Variants in NARS2 observed in about 807,000 individuals in gnomAD.
NARS2 encodes asparaginyl-tRNA synthetase 2, mitochondrial, also known as asparaginyl-tRNA synthetase.
Under a neutral mutation model 62.9 loss-of-function variants are expected in NARS2, and 60 were observed. The observed-to-expected ratio is 0.95, with a 90% CI of 0.77 to 1.18. The LOEUF (loss-of-function observed/expected upper bound fraction) is 1.18, where lower values mean the gene tolerates loss of function less well. Ranked by LOEUF, NARS2 falls within the 50% of genes most tolerant of loss-of-function variation. NARS2 has a pLI of 0.00. For missense variants in NARS2, 619 were observed against 576.4 expected, an observed-to-expected ratio of 1.07 and a Z score of -0.76; for synonymous variants, 196 against 200.0, an observed-to-expected ratio of 0.98 and a Z score of 0.17.
intron 7 of NARS2, among the ~76,000 whole-genome samples, chr11:78,490,870 G>A (rs1456163688): frequency 6.6e-6 from 1 of 152,210 alleles, no homozygotes; most frequent in Non-Finnish European, 1.5e-5. Flanking sequence ...TAATTTCATG[G>A]CACTGTTGAC....
intron 13 of NARS2, 46 bp downstream of exon 13, chr11:78,441,045 T>A (rs767374252): frequency 6.3e-7 from 1 of 1,581,034 alleles, no homozygotes; most frequent in South Asian, 1.1e-5. Flanking sequence ...TAGGCAACAG[T>A]CAGACAAGCA....
At chr11:78,471,641 G>A (rs964127056) in intron 9 of NARS2, among the ~76,000 whole-genome samples, 13 of 150,348 alleles carry the variant, frequency 8.6e-5, no homozygotes, top group South Asian at 2.1e-4. Context: ...CCACTAACTC[G>A]TCATCTAGCA....
At position 78,436,577 on chromosome 11, in the gene NARS2, C is replaced by T. The variant is rs1857416305; in HGVS notation, c.*93G>A. On this transcript the variant is annotated 3_prime_UTR_variant, in exon 14 of 14. Coordinates refer to ENST00000281038, the MANE Select transcript of NARS2 (RefSeq NM_024678.6). ...CACAACAATTACATATTGAAATCTG[C>T]ATTTCTAAAATCCAAACATGCATTC... The T allele has an allele frequency of 3.0e-6, 4 of 1,322,280 alleles. No homozygotes were observed. The highest frequency in any genetic ancestry group is 2.0e-4 in the Middle Eastern group (1 of 5,112). The allele number at this position is 1,322,280 out of a possible 1,614,324, so 81.9% of individuals were successfully genotyped here. A position where few individuals can be genotyped will look rare whatever the true frequency, so the allele number is the denominator to read the frequency against.
chr11:78,469,243 C>T lies in NARS2; in HGVS notation c.1026+4G>A. ...CACATATATACATACACACAAAATA[C>T]TACCTCTGGGGTAAAGGTGAAGTTC... On this transcript the variant is annotated splice_donor_region_variant and intron_variant, in intron 10 of 13. Coordinates refer to ENST00000281038, the MANE Select transcript of NARS2 (RefSeq NM_024678.6). 6.3e-7 allele frequency: 1 copy of T among 1,597,120 alleles called. No individual in the cohort carries two copies. The highest frequency in any genetic ancestry group is 8.6e-7 in the Non-Finnish European group (1 of 1,164,594).
intron 11 of NARS2, among the ~76,000 whole-genome samples, chr11:78,446,702 T>C (rs1357655720): frequency 6.6e-6 from 1 of 152,066 alleles, no homozygotes; most frequent in Non-Finnish European, 1.5e-5. Context: ...CAAAATGGAT[T>C]AAAGATTTAA....
intron 4 of NARS2, among the ~76,000 whole-genome samples, chr11:78,565,292 C>G (rs1856706308): frequency 6.6e-6 from 1 of 152,156 alleles, no homozygotes; most frequent in Non-Finnish European, 1.5e-5. Flanking sequence ...AAATATAGAT[C>G]TATGACCAAG....
At chr11:78,443,507 A>G in intron 12 of NARS2, 154 bp downstream of exon 12, 2 of 461,226 alleles carry the variant, frequency 4.3e-6, no homozygotes, top group South Asian at 4.9e-5. Context: ...GCTCAGAGAT[A>G]AACTAACAAC....
At chr11:78,492,746 T>A (rs1234584042) in intron 7 of NARS2, among the ~76,000 whole-genome samples, 1 of 152,210 alleles carries the variant, frequency 6.6e-6, no homozygotes, top group Non-Finnish European at 1.5e-5. Flanking sequence ...ATATTATATA[T>A]ACAATTTCAT....
rs1555023813 is a variant in NARS2 at position 78,497,241 on chromosome 11, G to GCAAAAAAAAAA, written c.690-4047_690-4046insTTTTTTTTTTG. Reference sequence around the variant, plus strand: ...TCTTTGGAAAATAAAAAGCAAAATTGAAAAAAAAAAAAAAAAAAAAGGTTC... The same window carrying GCAAAAAAAAAA: ...TCTTTGGAAAATAAAAAGCAAAATTGCAAAAAAAAAAAAAAAAAAAAAAAAAAAAAAGGTTC... On this transcript the variant is annotated intron_variant, in intron 6 of 13. Coordinates refer to ENST00000281038, the MANE Select transcript of NARS2 (RefSeq NM_024678.6). Among the ~76,000 whole-genome samples, 2 of 107,316 alleles carry GCAAAAAAAAAA rather than the reference G, an allele frequency of 1.9e-5. 1 individual carries two copies. The allele number at this position is 107,316 out of a possible 152,430, so 70.4% of individuals were successfully genotyped here. A position where few individuals can be genotyped will look rare whatever the true frequency, so the allele number is the denominator to read the frequency against.
At chr11:78,551,868 C>T (rs1213178702) in intron 5 of NARS2, among the ~76,000 whole-genome samples, 1 of 151,198 alleles carries the variant, frequency 6.6e-6, no homozygotes, top group Admixed American at 6.6e-5. Context: ...AAACAAAAAA[C>T]AAACAAAAAA....
chr11:78,566,805 A>C (rs988235858), intron 3 of NARS2, among the ~76,000 whole-genome samples: 10 of 152,198 alleles, frequency 6.6e-5, no homozygotes, highest in African/African-American at 2.2e-4. Flanking sequence ...ATTTGAAAGA[A>C]AATTATGGCT....
At chr11:78,452,041 T>C (rs1040986905) in intron 11 of NARS2, among the ~76,000 whole-genome samples, 2 of 152,214 alleles carry the variant, frequency 1.3e-5, no homozygotes, top group African/African-American at 2.4e-5. Flanking sequence ...CCATATCTTT[T>C]AGTTAGATGA....
At chr11:78,507,798 C>T (rs1182999846) in intron 6 of NARS2, among the ~76,000 whole-genome samples, 1 of 151,940 alleles carries the variant, frequency 6.6e-6, no homozygotes, top group Admixed American at 6.6e-5. Flanking sequence ...GGATTACAGG[C>T]GTTAGCCACT....
chr11:78,465,253 G>A (rs1438402764), intron 11 of NARS2, among the ~76,000 whole-genome samples: 3 of 152,216 alleles, frequency 2.0e-5, no homozygotes, highest in Non-Finnish European at 4.4e-5. Context: ...CGCAAGCACC[G>A]CAGGCAGCCC....
chr11:78,559,692 T>G (rs1856491027), intron 4 of NARS2, 73 bp from the exon 5 acceptor site: 1 of 998,496 alleles, frequency 1.0e-6, no homozygotes, highest in African/African-American at 1.6e-5. Flanking sequence ...CCTCTTATAG[T>G]ATTAAAATGG....
At chr11:78,444,730 A>AG (rs1555008629) in intron 11 of NARS2, among the ~76,000 whole-genome samples, 18 of 149,928 alleles carry the variant, frequency 1.2e-4, no homozygotes, top group African/African-American at 2.5e-4. Context: ...AACAAAACAA[A>AG]AAAAAAAAAA....
At chr11:78,459,567 G>C (rs955474384) in intron 11 of NARS2, among the ~76,000 whole-genome samples, 3 of 152,154 alleles carry the variant, frequency 2.0e-5, no homozygotes, top group Non-Finnish European at 4.4e-5. Context: ...ACCGCGCCCA[G>C]CCGATCTGAT....
intron 6 of NARS2, among the ~76,000 whole-genome samples, chr11:78,498,783 C>T (rs1002356996): frequency 1.3e-5 from 2 of 150,602 alleles, no homozygotes; most frequent in African/African-American, 4.9e-5. Context: ...TTACATCAAT[C>T]GATGTGATTA....
At chr11:78,506,601 C>G (rs1860507988) in intron 6 of NARS2, among the ~76,000 whole-genome samples, 1 of 152,178 alleles carries the variant, frequency 6.6e-6, no homozygotes, top group Non-Finnish European at 1.5e-5. Flanking sequence ...GTGGTGCAAT[C>G]TCAGCTCACT....
Sources: allele counts gnomAD v4.1 joint callset (sites outside exome capture counted in the v4.1 genomes callset), GRCh38; gene constraint gnomAD v4.1.1; transcripts MANE v1.5; gene names NCBI Gene and HGNC (gene_info 2026-07-23, HGNC 2026-07-21).